FGD2: variants seen among roughly 807,000 people sequenced by gnomAD.
FGD2 encodes the protein FYVE, RhoGEF and PH domain-containing protein 2.
Under a neutral mutation model 75.9 loss-of-function variants are expected in FGD2, and 52 were observed. The ratio of observed to expected loss-of-function variants is 0.69; its 90% CI spans 0.55 to 0.86. FGD2 has a LOEUF of 0.86. Among genes scored for constraint, FGD2 ranks in the 40% least tolerant of loss-of-function variants. The pLI, the probability that FGD2 is intolerant of heterozygous loss-of-function variation, is 0.00. For synonymous variants in FGD2, 347 were observed against 348.6 expected, an observed-to-expected ratio of 1.00 and a Z score of 0.05; for missense variants, 790 against 872.0, an observed-to-expected ratio of 0.91 and a Z score of 1.18.
chr6:37,022,388 C>G lies in FGD2; in HGVS notation c.1458+18C>G, dbSNP rs1440346816. On this transcript the variant is annotated intron_variant, in intron 13 of 15. Coordinates refer to ENST00000274963, the MANE Select transcript of FGD2 (RefSeq NM_173558.4). ...GCGGCTATGTGAGTACTCCTGCCAG[C>G]ACTCCTGCCTCCACCTGCGTCACCC... 2 of 1,557,134 alleles carry G rather than the reference C, an allele frequency of 1.3e-6. No individual in the cohort carries two copies. Among genetic ancestry groups the G allele is most frequent in the Non-Finnish European group, 1.7e-6 (2 of 1,155,468 alleles).
intron 14 of FGD2, among the ~76,000 whole-genome samples, chr6:37,026,853 A>T (rs1765846869): frequency 6.6e-6 from 1 of 151,788 alleles, no homozygotes; most frequent in Non-Finnish European, 1.5e-5. Context: ...TACAAAAAAA[A>T]AAAAATCAGC....
chr6:37,025,581 G>A, intron 13 of FGD2: 1 of 586,232 alleles, frequency 1.7e-6, no homozygotes, highest in Non-Finnish European at 3.0e-6. Context: ...AGAGCCCCGA[G>A]CCCGAGCTCC....
chr6:37,007,616 C>T (rs1764815033), intron 1 of FGD2, among the ~76,000 whole-genome samples: 1 of 152,244 alleles, frequency 6.6e-6, no homozygotes, highest in Non-Finnish European at 1.5e-5. Context: ...TGAGGGGACC[C>T]ATACCAACTG....
At chr6:37,016,211 G>C (rs73730514) in intron 9 of FGD2, among the ~76,000 whole-genome samples, 516 of 151,838 alleles carry the variant, frequency 3.4e-3, no homozygotes, top group African/African-American at 0.011. Flanking sequence ...AGGTCTGGGT[G>C]GGGGGGTGCC....
chr6:37,011,141 T>G, intron 3 of FGD2, 91 bp downstream of exon 3: 1 of 1,267,486 alleles, frequency 7.9e-7, no homozygotes, highest in Middle Eastern at 2.1e-4. Context: ...TCACCAGAGC[T>G]GAGTCAGGAG....
At chr6:37,020,206 A>G (rs1235352040) in intron 9 of FGD2, among the ~76,000 whole-genome samples, 1 of 152,236 alleles carries the variant, frequency 6.6e-6, no homozygotes, top group Admixed American at 6.5e-5. Context: ...AGAAAACGGT[A>G]TAATGAACCT....
Position 37,022,233 on chromosome 6 carries a change from C to A in FGD2, c.1327-6C>A. Reference sequence around the variant, plus strand: ...CCATTCCTGCCCAACTCCCCTTAACCCACAGCTGCAGTCTGAGGAGCTGGG... The same window carrying A: ...CCATTCCTGCCCAACTCCCCTTAACACACAGCTGCAGTCTGAGGAGCTGGG... On this transcript the variant is annotated splice_polypyrimidine_tract_variant and splice_region_variant and intron_variant, in intron 12 of 15. Transcript: ENST00000274963. 1 of 1,599,286 alleles carries A rather than the reference C, an allele frequency of 6.3e-7. No individual in the cohort carries two copies. Among genetic ancestry groups the A allele is most frequent in the East Asian group, 2.3e-5 (1 of 43,344 alleles).
At chr6:37,015,696 C>T in intron 8 of FGD2, 72 bp from the exon 9 acceptor site, 1 of 1,421,550 alleles carries the variant, frequency 7.0e-7, no homozygotes, top group Non-Finnish European at 9.7e-7. Flanking sequence ...GCTCGGCCCA[C>T]CCTCGGGGAA....
At chr6:37,013,915 C>T (rs753509955) in intron 5 of FGD2, 47 bp from the exon 6 acceptor site, 2 of 1,599,286 alleles carry the variant, frequency 1.3e-6, no homozygotes, top group African/African-American at 1.3e-5. Flanking sequence ...CCTGACCCAC[C>T]TCCCTTCTCT....
At chr6:37,008,728 C>G in intron 1 of FGD2, 106 bp from the exon 2 acceptor site, 1 of 1,096,150 alleles carries the variant, frequency 9.1e-7, no homozygotes, top group Non-Finnish European at 1.3e-6. Context: ...CCAGGGGCCC[C>G]TGCACTGGGG....
rs751373368 is a variant in FGD2, at chr6:37,005,905, G to C, written c.68+20G>C. 1 of 1,611,948 alleles carries C rather than the reference G, an allele frequency of 6.2e-7. No homozygotes were observed. The highest frequency in any genetic ancestry group is 1.3e-5 in the African/African-American group (1 of 74,924). ...TAGCAGGTATGGGCAGCTGGGGTGGGAGGGTCACCATGGTGGGCTGGCAGC... is the reference window on the plus strand; with the variant it reads ...TAGCAGGTATGGGCAGCTGGGGTGGCAGGGTCACCATGGTGGGCTGGCAGC... On this transcript the variant is annotated intron_variant, in intron 1 of 15. Coordinates refer to ENST00000274963, the MANE Select transcript of FGD2 (RefSeq NM_173558.4).
chr6:37,015,687 C>A, intron 8 of FGD2, 81 bp from the exon 9 acceptor site: 1 of 1,327,642 alleles, frequency 7.5e-7, no homozygotes, highest in Non-Finnish European at 1.1e-6. Flanking sequence ...TCAGCCCATG[C>A]TCGGCCCACC....
rs1250997953 is a variant in FGD2 at position 37,028,019 on chromosome 6, G to A, written c.1824G>A (p.Arg608=). 6.2e-7 allele frequency: 1 copy of A among 1,614,096 alleles called. No homozygotes were observed. The highest frequency in any genetic ancestry group is 2.2e-5 in the East Asian group (1 of 44,878). Residue 608 remains arginine, a synonymous_variant, in exon 16 of 16, where the codon CGG becomes CGA. Transcript: ENST00000274963. The part of the protein sequence containing the change: ...QVTVGPQGDP[R]VFQLQQSGQL... The stretch of plus-strand genomic sequence containing the variant: ...CTGTTGGGCCCCAGGGGGACCCTCG[G>A]GTCTTCCAGCTACAGCAGTCAGGCC...
chr6:37,014,071 C>T lies in FGD2; in HGVS notation c.794C>T (p.Ala265Val), dbSNP rs766728677. 1.2e-6 allele frequency: 2 copies of T among 1,614,062 alleles called. No individual in the cohort carries two copies. The change falls in exon 6 of 16, where the codon GCC becomes GTC. Residue 265 changes from alanine (A) to valine (V), a missense_variant. By Grantham distance (64) the Ala-to-Val change is moderately conservative (BLOSUM62 0). Coordinates refer to ENST00000274963, the MANE Select transcript of FGD2 (RefSeq NM_173558.4). ...AAGGAGTACATCCAGAAGCTGCCAG[C>T]CCAGGCCCCAGACCAGGCCGATGCC... Reference protein sequence around the residue: ...LLKEYIQKLPAQAPDQADAQK... With the variant: ...LLKEYIQKLPVQAPDQADAQK...
Position 37,028,953 on chromosome 6 carries a change from C to T in FGD2, c.*790C>T, listed in dbSNP as rs1326104280. 1 of 151,858 alleles carries T rather than the reference C, an allele frequency of 6.6e-6. No individual in the cohort carries two copies. The highest frequency in any genetic ancestry group is 1.5e-5 in the Non-Finnish European group (1 of 67,996). 9.4% of individuals were successfully genotyped at this position (151,858 alleles called of 1,614,324 possible). Reference sequence around the variant, plus strand: ...TACCCACTGGAGTCTAATATATAGCCTGGGTTACCTGGGATGAAGAATAAA... The same window carrying T: ...TACCCACTGGAGTCTAATATATAGCTTGGGTTACCTGGGATGAAGAATAAA... On this transcript the variant is annotated 3_prime_UTR_variant, in exon 16 of 16. Transcript: ENST00000274963.
In FGD2 at chr6:37,015,753, CTG is replaced by C; in HGVS notation, c.1030-11_1030-10del. Reference sequence around the variant, plus strand: ...TGCCCCTGCCACGGGCCACTCACGCCTGTGTCTCCTGCAGTTCAACAACATGC... The same window carrying C: ...TGCCCCTGCCACGGGCCACTCACGCCTGTCTCCTGCAGTTCAACAACATGC... On this transcript the variant is annotated splice_polypyrimidine_tract_variant and intron_variant, in intron 8 of 15. Transcript: ENST00000274963. 6.4e-7 allele frequency: 1 copy of C among 1,573,344 alleles called. No homozygotes were observed. Among genetic ancestry groups the C allele is most frequent in the Non-Finnish European group, 8.6e-7 (1 of 1,159,404 alleles).
chr6:37,014,554 C>A, intron 6 of FGD2, 92 bp from the exon 7 acceptor site: 1 of 1,451,502 alleles, frequency 6.9e-7, no homozygotes, highest in Non-Finnish European at 9.4e-7. Flanking sequence ...CATGGCAGGT[C>A]CTGAGGGCCC....
At position 37,028,160 on chromosome 6, in the gene FGD2, C is replaced by T. The variant is rs267601004; in HGVS notation, c.1965C>T (p.Asp655=). 12 of 1,573,332 alleles carry T rather than the reference C, an allele frequency of 7.6e-6. No individual in the cohort carries two copies. Among genetic ancestry groups the T allele is most frequent in the Non-Finnish European group, 8.6e-6 (10 of 1,158,850 alleles). Reference sequence around the variant, plus strand: ...GGCCCAACGATGGGGACCTGTCCGACTGAGCCACTGCCAGCCGCTCTCCTG... The same window carrying T: ...GGCCCAACGATGGGGACCTGTCCGATTGAGCCACTGCCAGCCGCTCTCCTG... ...PSWPNDGDLS[D] Residue 655 remains aspartate (D), a synonymous_variant, in exon 16 of 16, where the codon GAC becomes GAT. Transcript: ENST00000274963.
chr6:37,011,117 C>A, intron 3 of FGD2, 67 bp downstream of exon 3: 1 of 1,446,062 alleles, frequency 6.9e-7, no homozygotes, highest in Non-Finnish European at 9.7e-7. Flanking sequence ...CCCTTCTCAG[C>A]CTTCCCACCC....
Sources: allele counts gnomAD v4.1 joint callset (sites outside exome capture counted in the v4.1 genomes callset), GRCh38; gene constraint gnomAD v4.1.1; transcripts MANE v1.5; gene names NCBI Gene and HGNC (gene_info 2026-07-23, HGNC 2026-07-21).